The following SEMA3E variants were observed in gnomAD, a reference collection of about 807,000 sequenced individuals.
SEMA3E encodes the protein semaphorin-3E.
In SEMA3E, 49 loss-of-function variants were observed where a neutral mutation model predicts 93.6. The ratio of observed to expected loss-of-function variants is 0.52; its 90% CI spans 0.42 to 0.66. The LOEUF (loss-of-function observed/expected upper bound fraction) is 0.66. Ranked by LOEUF, SEMA3E falls within the 30% of genes least tolerant of loss-of-function variation. The probability of loss-of-function intolerance (pLI) is 0.00; values close to 1 mark genes in which losing one functional copy is unlikely to be tolerated. For synonymous variants in SEMA3E, 363 were observed against 330.7 expected (o/e 1.10, Z -1.06); for missense variants, 906 against 964.8 (o/e 0.94, Z 0.81).
intron 5 of SEMA3E, among the ~76,000 whole-genome samples, chr7:83,412,767 A>G (rs1274301344): frequency 1.3e-5 from 2 of 151,776 alleles, no homozygotes; most frequent in Non-Finnish European, 2.9e-5. Context: ...AAGATAAAAA[A>G]AAAAAAAAAA....
intron 4 of SEMA3E, among the ~76,000 whole-genome samples, chr7:83,458,973 G>GTGTATATATATA (rs57694179): frequency 7.1e-6 from 1 of 140,628 alleles, no homozygotes; most frequent in South Asian, 2.2e-4. Context: ...GTGTGTGTGT[G>GTGTATATATATA]TATATATATA....
chr7:83,558,895 C>T (rs1791972166), intron 1 of SEMA3E, among the ~76,000 whole-genome samples: 1 of 151,822 alleles, frequency 6.6e-6, no homozygotes, highest in Non-Finnish European at 1.5e-5. Context: ...AATTTGGCTC[C>T]CCTTTTTGCT....
chr7:83,468,737 ACACC>A (rs1487482998), intron 3 of SEMA3E, among the ~76,000 whole-genome samples: 1 of 152,160 alleles, frequency 6.6e-6, no homozygotes, highest in Non-Finnish European at 1.5e-5. Flanking sequence ...TCTGCCACTC[ACACC>A]CAGCAGGGAA....
At chr7:83,630,893 G>T (rs933753037) in intron 1 of SEMA3E, among the ~76,000 whole-genome samples, 5 of 152,038 alleles carry the variant, frequency 3.3e-5, no homozygotes, top group Admixed American at 3.3e-4. Context: ...TATTTTTAAC[G>T]CATAAAGTCT....
intron 1 of SEMA3E, among the ~76,000 whole-genome samples, chr7:83,555,661 A>G (rs1340740948): frequency 1.3e-5 from 2 of 152,298 alleles, no homozygotes; most frequent in East Asian, 1.9e-4. Context: ...TGGAGAAAAA[A>G]GGTACCTAGA....
chr7:83,517,488 A>G (rs1246192079), intron 1 of SEMA3E, among the ~76,000 whole-genome samples: 1 of 152,234 alleles, frequency 6.6e-6, no homozygotes, highest in Non-Finnish European at 1.5e-5. Context: ...GGGATAAAAG[A>G]AAAAGATTAA....
chr7:83,442,738 T>A (rs1319701310), intron 4 of SEMA3E, among the ~76,000 whole-genome samples: 2 of 152,100 alleles, frequency 1.3e-5, no homozygotes, highest in Non-Finnish European at 2.9e-5. Context: ...TAGAGTTACG[T>A]GTTTTCACTC....
intron 1 of SEMA3E, among the ~76,000 whole-genome samples, chr7:83,499,104 G>A (rs745841285): frequency 2.0e-5 from 3 of 152,052 alleles, no homozygotes; most frequent in Non-Finnish European, 4.4e-5. Flanking sequence ...GGTTATAGTT[G>A]CAAATAACAT....
At chr7:83,507,473 T>TGA (rs1554333784) in intron 1 of SEMA3E, among the ~76,000 whole-genome samples, 12 of 138,052 alleles carry the variant, frequency 8.7e-5, no homozygotes, top group Admixed American at 1.5e-4. Flanking sequence ...TGTGTGTGTG[T>TGA]GAAAGGGAGA....
intron 4 of SEMA3E, among the ~76,000 whole-genome samples, chr7:83,443,551 G>A (rs562820161): frequency 6.6e-6 from 1 of 152,188 alleles, no homozygotes; most frequent in South Asian, 2.1e-4. Flanking sequence ...TGAAATAAAA[G>A]CAGTTCACTA....
intron 1 of SEMA3E, among the ~76,000 whole-genome samples, chr7:83,499,750 T>C (rs1790560419): frequency 6.6e-6 from 1 of 152,218 alleles, no homozygotes. Flanking sequence ...ATAAACTTAA[T>C]TCTTGATTAT....
At chr7:83,511,408 C>T (rs558854490) in intron 1 of SEMA3E, among the ~76,000 whole-genome samples, 30 of 152,012 alleles carry the variant, frequency 2.0e-4, no homozygotes, top group Non-Finnish European at 3.5e-4. Context: ...ATAGTTGCCC[C>T]AATGATTACA....
At chr7:83,506,801 A>AT (rs1320182133) in intron 1 of SEMA3E, among the ~76,000 whole-genome samples, 1 of 152,166 alleles carries the variant, frequency 6.6e-6, no homozygotes, top group African/African-American at 2.4e-5. Flanking sequence ...ATGGATGATA[A>AT]TTTTTTTAAA....
rs940100874 is a variant in SEMA3E at position 83,625,659 on chromosome 7, A to G, written c.115+22769T>C. Reference sequence around the variant, plus strand: ...AATCATGTCATCTGCAAGCAGAGACAATCTGACTTCCTCTCTTCCTATTTG... The same window carrying G: ...AATCATGTCATCTGCAAGCAGAGACGATCTGACTTCCTCTCTTCCTATTTG... On this transcript the variant is annotated intron_variant, in intron 1 of 16. Transcript: ENST00000643230. Among the ~76,000 whole-genome samples the G allele has an allele frequency of 2.0e-5, 3 of 152,106 alleles. No individual in the cohort carries two copies. The East Asian group carries it at 5.8e-4, about 29-fold the overall frequency.
intron 1 of SEMA3E, among the ~76,000 whole-genome samples, chr7:83,633,205 C>T (rs1793820303): frequency 1.3e-5 from 2 of 152,196 alleles, no homozygotes; most frequent in South Asian, 2.1e-4. Flanking sequence ...TCCCATGCCC[C>T]CTTCTTTACC....
chr7:83,640,393 C>T (rs1461551893), intron 1 of SEMA3E, among the ~76,000 whole-genome samples: 1 of 152,158 alleles, frequency 6.6e-6, no homozygotes, highest in African/African-American at 2.4e-5. Flanking sequence ...CTACAGAATA[C>T]TTGGCTGGCA....
At chr7:83,425,402 A>T (rs902580975) in intron 4 of SEMA3E, among the ~76,000 whole-genome samples, 2 of 151,982 alleles carry the variant, frequency 1.3e-5, no homozygotes, top group African/African-American at 4.8e-5. Context: ...TCTGGCACTT[A>T]CTTATTTTGC....
intron 1 of SEMA3E, among the ~76,000 whole-genome samples, chr7:83,512,971 A>G (rs1790855367): frequency 1.3e-5 from 2 of 152,222 alleles, no homozygotes; most frequent in African/African-American, 4.8e-5. Flanking sequence ...AACTAATGAC[A>G]TACATATTCT....
At chr7:83,541,415 C>T (rs1791528820) in intron 1 of SEMA3E, among the ~76,000 whole-genome samples, 1 of 152,062 alleles carries the variant, frequency 6.6e-6, no homozygotes, top group African/African-American at 2.4e-5. Flanking sequence ...CCATGAGAGG[C>T]CACAATACTG....
Sources: allele counts gnomAD v4.1 joint callset (sites outside exome capture counted in the v4.1 genomes callset), GRCh38; gene constraint gnomAD v4.1.1; transcripts MANE v1.5; gene names NCBI Gene and HGNC (gene_info 2026-07-23, HGNC 2026-07-21).